The following CSMD1 variants were observed in gnomAD, a reference collection of about 807,000 sequenced individuals.
CSMD1 encodes CUB and Sushi multiple domains 1.
CSMD1 carries 213 observed loss-of-function variants against 417.5 expected under a neutral mutation model. That is an observed-to-expected ratio of 0.51 (90% confidence interval 0.46 to 0.57). CSMD1 has a LOEUF of 0.57. Among genes scored for constraint, CSMD1 ranks in the 20% least tolerant of loss-of-function variants. CSMD1 has a pLI of 0.00. For synonymous variants in CSMD1, 2,862 were observed against 1,736.8 expected (o/e 1.65, Z -16.11); for missense variants, 6,923 against 4,529.7 (o/e 1.53, Z -15.17).
At chr8:4,612,382 G>A (rs987603549) in intron 2 of CSMD1, among the ~76,000 whole-genome samples, 7 of 151,992 alleles carry the variant, frequency 4.6e-5, no homozygotes, top group Non-Finnish European at 7.4e-5. Context: ...TTTTCCAATC[G>A]TACAAGTCTA....
intron 5 of CSMD1, among the ~76,000 whole-genome samples, chr8:3,931,224 G>A (rs1563223849): frequency 6.6e-6 from 1 of 150,512 alleles, no homozygotes; most frequent in African/African-American, 2.5e-5. Context: ...GAGGTTCGGA[G>A]AATGATAATA....
At chr8:3,980,675 C>T (rs1369322324) in intron 5 of CSMD1, among the ~76,000 whole-genome samples, 2 of 152,030 alleles carry the variant, frequency 1.3e-5, no homozygotes, top group Non-Finnish European at 1.5e-5. Flanking sequence ...AGGGTTTCTG[C>T]CTATTGAGAA....
chr8:3,487,387 G>C (rs924807342), intron 11 of CSMD1, among the ~76,000 whole-genome samples: 1 of 151,986 alleles, frequency 6.6e-6, no homozygotes, highest in African/African-American at 2.4e-5. Context: ...ATTTTTAGTA[G>C]AGACAGGGTT....
intron 5 of CSMD1, among the ~76,000 whole-genome samples, chr8:3,951,496 C>G (rs1012477756): frequency 6.6e-6 from 1 of 152,092 alleles, no homozygotes; most frequent in African/African-American, 2.4e-5. Flanking sequence ...TGAATAACAA[C>G]TGGTTGACCT....
intron 7 of CSMD1, among the ~76,000 whole-genome samples, chr8:3,684,980 A>T (rs1432840016): frequency 6.6e-6 from 1 of 152,196 alleles, no homozygotes; most frequent in African/African-American, 2.4e-5. Flanking sequence ...TAGGAAAGTC[A>T]ATACGGGAAT....
At chr8:4,296,602 A>C (rs1040122441) in intron 3 of CSMD1, among the ~76,000 whole-genome samples, 3 of 82,858 alleles carry the variant, frequency 3.6e-5, no homozygotes, top group African/African-American at 3.9e-5. Flanking sequence ...CATTTACTTC[A>C]TATTTTATAA....
At chr8:4,477,227 G>A (rs1800851285) in intron 2 of CSMD1, among the ~76,000 whole-genome samples, 1 of 152,192 alleles carries the variant, frequency 6.6e-6, no homozygotes, top group Non-Finnish European at 1.5e-5. Flanking sequence ...GGCTCCCAGT[G>A]ACAGAGCTAC....
chr8:3,608,801 T>C (rs1168954327), intron 8 of CSMD1, among the ~76,000 whole-genome samples: 1 of 151,174 alleles, frequency 6.6e-6, no homozygotes, highest in Non-Finnish European at 1.5e-5. Context: ...GCAGTGTGCA[T>C]CACGGCCAAT....
chr8:3,292,494 C>G (rs1419136624), intron 25 of CSMD1, among the ~76,000 whole-genome samples: 2 of 152,116 alleles, frequency 1.3e-5, no homozygotes, highest in African/African-American at 4.8e-5. Context: ...GGACTTGCTT[C>G]AAGAATCTGC....
At chr8:3,513,787 A>C (rs1563110773) in intron 10 of CSMD1, among the ~76,000 whole-genome samples, 1 of 152,250 alleles carries the variant, frequency 6.6e-6, no homozygotes, top group Admixed American at 6.5e-5. Context: ...CATGAGAGAT[A>C]GACAGCATTT....
Position 3,511,819 on chromosome 8 carries a change from T to TAACAC in CSMD1, c.1345-18094_1345-18093insGTGTT, listed in dbSNP as rs1330164115. ...TAACATAACATAACATAACATAACATAACAATAAATAAAATAAAATAAAAA... is the reference window on the plus strand; with the variant it reads ...TAACATAACATAACATAACATAACATAACACAACAATAAATAAAATAAAATAAAAA... On this transcript the variant is annotated intron_variant, in intron 10 of 69. Transcript: ENST00000635120. Among the ~76,000 whole-genome samples, 609 of 142,528 alleles carry TAACAC rather than the reference T, an allele frequency of 4.3e-3. 6 individuals carry two copies. The highest frequency in any genetic ancestry group is 0.015 in the African/African-American group (577 of 38,718). 93.5% of individuals were successfully genotyped at this position (142,528 alleles called of 152,430 possible).
chr8:4,956,583 T>C lies in CSMD1; in HGVS notation c.85+37749A>G, dbSNP rs928964821. On this transcript the variant is annotated intron_variant, in intron 1 of 69. Transcript: ENST00000635120. ...ATATAATATATTTAAAATACATGTG[T>C]ATATCATCATAACAGATATTTTTAT... Among the ~76,000 whole-genome samples, 208 of 150,586 alleles carry C rather than the reference T, an allele frequency of 1.4e-3. 1 individual carries two copies. Among genetic ancestry groups the C allele is most frequent in the African/African-American group, 4.9e-3 (202 of 41,106 alleles).
At chr8:4,621,487 C>A (rs1801776886) in intron 2 of CSMD1, among the ~76,000 whole-genome samples, 2 of 152,002 alleles carry the variant, frequency 1.3e-5, no homozygotes, top group Admixed American at 6.6e-5. Context: ...ACATAATTCA[C>A]CAAAATTGAC....
At chr8:3,482,821 A>G (rs1322930512) in intron 11 of CSMD1, among the ~76,000 whole-genome samples, 1 of 152,242 alleles carries the variant, frequency 6.6e-6, no homozygotes, top group East Asian at 1.9e-4. Flanking sequence ...TCAGTTATTA[A>G]AAGGCAGTAG....
intron 3 of CSMD1, among the ~76,000 whole-genome samples, chr8:4,139,354 C>G (rs954101735): frequency 6.6e-6 from 1 of 152,032 alleles, no homozygotes; most frequent in African/African-American, 2.4e-5. Flanking sequence ...ATTTTTTGAC[C>G]AGGTAGAGGG....
chr8:3,906,663 A>G (rs937606412), intron 5 of CSMD1, among the ~76,000 whole-genome samples: 11 of 151,742 alleles, frequency 7.2e-5, no homozygotes, highest in Middle Eastern at 3.4e-3. Context: ...TACACCTTGC[A>G]CAGCAGAGAG....
intron 5 of CSMD1, among the ~76,000 whole-genome samples, chr8:3,977,380 T>A (rs1401746457): frequency 6.6e-6 from 1 of 152,208 alleles, no homozygotes; most frequent in Non-Finnish European, 1.5e-5. Context: ...TACATTTTGC[T>A]GAAAAGAGAA....
chr8:3,312,300 A>T (rs774250560), intron 23 of CSMD1, among the ~76,000 whole-genome samples: 20 of 152,180 alleles, frequency 1.3e-4, no homozygotes, highest in Non-Finnish European at 2.5e-4. Context: ...TTTTCTCTTT[A>T]TATGACCAGC....
At chr8:3,391,711 G>C (rs1048840758) in intron 17 of CSMD1, among the ~76,000 whole-genome samples, 3 of 152,176 alleles carry the variant, frequency 2.0e-5, no homozygotes, top group Admixed American at 6.5e-5. Context: ...GTTTACAGTA[G>C]CTCACATTGC....
Sources: allele counts gnomAD v4.1 joint callset (sites outside exome capture counted in the v4.1 genomes callset), GRCh38; gene constraint gnomAD v4.1.1; transcripts MANE v1.5; gene names NCBI Gene and HGNC (gene_info 2026-07-23, HGNC 2026-07-21).